The following BLMH variants were observed in gnomAD, a reference collection of about 807,000 sequenced individuals.
The protein encoded by BLMH is bleomycin hydrolase.
A neutral mutation model predicts 61.6 loss-of-function variants in BLMH; 32 were observed. The observed-to-expected ratio is 0.52, with a 90% CI of 0.39 to 0.70. BLMH has a LOEUF of 0.70. Among genes scored for constraint, BLMH ranks in the 30% least tolerant of loss-of-function variants. BLMH has a pLI of 0.00. For missense variants in BLMH, 460 were observed against 555.5 expected, an observed-to-expected ratio of 0.83 and a Z score of 1.73; for synonymous variants, 183 against 193.8, an observed-to-expected ratio of 0.94 and a Z score of 0.46.
At chr17:30,266,990 C>A in intron 10 of BLMH, 36 bp from the exon 11 acceptor site, 1 of 1,587,300 alleles carries the variant, frequency 6.3e-7, no homozygotes, top group Non-Finnish European at 8.7e-7. Flanking sequence ...TAGTCTGAAG[C>A]CAGATTCTCC....
chr17:30,267,071 GC>G (rs1908132970), intron 10 of BLMH, 117 bp from the exon 11 acceptor site: 1 of 865,044 alleles, frequency 1.2e-6, no homozygotes, highest in Non-Finnish European at 1.9e-6. Context: ...TATACAGGCA[GC>G]CTGCTCTATA....
chr17:30,267,256 T>C (rs577482814), intron 10 of BLMH, among the ~76,000 whole-genome samples: 1 of 152,344 alleles, frequency 6.6e-6, no homozygotes, highest in African/African-American at 2.4e-5. Flanking sequence ...AAAATAGGCA[T>C]GTAAAAATGC....
chr17:30,265,427 C>G (rs73268099), intron 11 of BLMH, among the ~76,000 whole-genome samples: 43,951 of 152,072 alleles, frequency 0.29, 6,770 homozygotes, highest in Admixed American at 0.33. Flanking sequence ...CACACCCCCT[C>G]CTCTACCTTT....
chr17:30,273,889 C>T (rs891271565), intron 7 of BLMH, 153 bp downstream of exon 7: 1 of 901,960 alleles, frequency 1.1e-6, no homozygotes, highest in Non-Finnish European at 1.7e-6. Flanking sequence ...ACTTCATTAG[C>T]TGCATAAAAT....
intron 5 of BLMH, among the ~76,000 whole-genome samples, chr17:30,285,758 A>G (rs949272049): frequency 1.3e-5 from 2 of 152,212 alleles, no homozygotes; most frequent in East Asian, 3.8e-4. Flanking sequence ...GTGTCTGGGC[A>G]TGGGGAAAAC....
chr17:30,271,627 T>C (rs1908273579), intron 9 of BLMH: 2 of 343,932 alleles, frequency 5.8e-6, no homozygotes, highest in South Asian at 1.7e-4. Context: ...AAACATAAAT[T>C]CTCCACATCA....
chr17:30,251,745 G>C (rs1907672670), intron 11 of BLMH, among the ~76,000 whole-genome samples: 1 of 152,004 alleles, frequency 6.6e-6, no homozygotes, highest in Non-Finnish European at 1.5e-5. Context: ...CTAGCAAGAG[G>C]GTCCCCTAGT....
At chr17:30,252,688 G>A (rs1484105543) in intron 11 of BLMH, among the ~76,000 whole-genome samples, 8 of 152,082 alleles carry the variant, frequency 5.3e-5, no homozygotes, top group African/African-American at 1.9e-4. Context: ...CTCTGTAAAA[G>A]TGTTCAAGTG....
chr17:30,252,240 C>A (rs1907687078), intron 11 of BLMH: 1 of 152,110 alleles, frequency 6.6e-6, no homozygotes, highest in Non-Finnish European at 1.5e-5. Context: ...GGCAACAATA[C>A]TGGTAAGTCT....
At chr17:30,257,444 T>G (rs532578707) in intron 11 of BLMH, among the ~76,000 whole-genome samples, 1 of 152,188 alleles carries the variant, frequency 6.6e-6, no homozygotes, top group East Asian at 1.9e-4. Flanking sequence ...TGTGTATGTT[T>G]GTACTAAAAA....
At chr17:30,252,386 C>T (rs1907691284) in intron 11 of BLMH, 1 of 151,974 alleles carries the variant, frequency 6.6e-6, no homozygotes, top group Non-Finnish European at 1.5e-5. Context: ...CGTGGCATAG[C>T]ATACGTTTAC....
rs1597665228 is a variant in BLMH at position 30,279,770 on chromosome 17, C to G, written c.646-5573G>C. ...TGAGCTGTGATCGTAACACTGCACT[C>G]CAGCCTGGGCAACAAAGCAAGATAC... On this transcript the variant is annotated intron_variant, in intron 6 of 11. Transcript: ENST00000261714. Among the ~76,000 whole-genome samples, 5 of 152,152 alleles carry G rather than the reference C, an allele frequency of 3.3e-5. No homozygotes were observed. In the South Asian group the frequency reaches 1.0e-3, roughly 32 times the overall value.
intron 6 of BLMH, among the ~76,000 whole-genome samples, chr17:30,283,704 T>C (rs147465078): frequency 1.3e-5 from 2 of 152,010 alleles, no homozygotes; most frequent in African/African-American, 4.8e-5. Flanking sequence ...TGTATTTTAG[T>C]AGAGACGGGG....
intron 11 of BLMH, among the ~76,000 whole-genome samples, chr17:30,255,785 C>T (rs148597065): frequency 0.01 from 1,556 of 152,254 alleles, 27 homozygotes; most frequent in African/African-American, 0.035. Flanking sequence ...TAGTCCCAGT[C>T]ACTCGGGAGG....
intron 11 of BLMH, among the ~76,000 whole-genome samples, chr17:30,264,790 CA>C (rs1908055062): frequency 6.6e-6 from 1 of 152,188 alleles, no homozygotes; most frequent in Non-Finnish European, 1.5e-5. Context: ...TTGGAAGCAA[CA>C]GGAAAACTTT....
intron 6 of BLMH, 39 bp downstream of exon 6, chr17:30,285,349 C>CTCTA (rs1201256978): frequency 9.1e-6 from 13 of 1,430,244 alleles, no homozygotes; most frequent in African/African-American, 1.4e-5. Context: ...CTGAGAGTTC[C>CTCTA]TTAGAGGGGT....
intron 11 of BLMH, among the ~76,000 whole-genome samples, chr17:30,265,061 TCA>T (rs1366216055): frequency 6.6e-6 from 1 of 152,200 alleles, no homozygotes; most frequent in Non-Finnish European, 1.5e-5. Flanking sequence ...ACCCCTAAAA[TCA>T]CAGAACAATT....
chr17:30,289,028 T>C (rs894100395), intron 3 of BLMH, among the ~76,000 whole-genome samples: 4 of 152,116 alleles, frequency 2.6e-5, no homozygotes, highest in Non-Finnish European at 5.9e-5. Context: ...GACAAGTTCT[T>C]GAGAGGGAAA....
chr17:30,273,435 G>T, intron 7 of BLMH: 1 of 157,956 alleles, frequency 6.3e-6, no homozygotes, highest in Non-Finnish European at 1.4e-5. Flanking sequence ...CCAGTGTGCT[G>T]GGATTACAGG....
Sources: gnomAD v4.1 joint callset for allele counts (sites outside exome capture counted in the v4.1 genomes callset) on GRCh38, gnomAD v4.1.1 for gene constraint, MANE v1.5 for transcripts, NCBI Gene and HGNC (gene_info 2026-07-23, HGNC 2026-07-21) for gene names.